The following PRIMA1 variants were observed in gnomAD, a reference collection of about 807,000 sequenced individuals.
The protein encoded by PRIMA1 is proline rich membrane anchor 1.
In PRIMA1, 7 loss-of-function variants were observed where a neutral mutation model predicts 17.5. The observed-to-expected ratio is 0.40, with a 90% CI of 0.23 to 0.75. The LOEUF (loss-of-function observed/expected upper bound fraction) is 0.75. Ranked by LOEUF, PRIMA1 falls within the 30% of genes least tolerant of loss-of-function variation. PRIMA1 has a pLI of 0.37. For missense variants in PRIMA1, 200 were observed against 201.8 expected, an observed-to-expected ratio of 0.99 and a Z score of 0.05; for synonymous variants, 97 against 77.9, an observed-to-expected ratio of 1.25 and a Z score of -1.29.
At chr14:93,778,819 A>G (rs1396730881) in intron 3 of PRIMA1, among the ~76,000 whole-genome samples, 1 of 152,198 alleles carries the variant, frequency 6.6e-6, no homozygotes. Flanking sequence ...AATGTAAATT[A>G]TAATAGAGAA....
chr14:93,748,047 A>AGTGT (rs55972875), intron 3 of PRIMA1, among the ~76,000 whole-genome samples: 19 of 150,374 alleles, frequency 1.3e-4, no homozygotes, highest in African/African-American at 3.2e-4. Flanking sequence ...GGAGTGTGTG[A>AGTGT]GTGTGTGTAT....
intron 2 of PRIMA1, among the ~76,000 whole-genome samples, chr14:93,779,954 C>T (rs975178992): frequency 2.6e-5 from 4 of 152,230 alleles, no homozygotes; most frequent in Admixed American, 2.0e-4. Context: ...CTCCAAACCA[C>T]CTCCATCCCC....
rs538470833 is a variant in PRIMA1, at chr14:93,745,021, G to A, written c.230-7651C>T. On this transcript the variant is annotated intron_variant, in intron 3 of 4. Coordinates refer to ENST00000393140, the MANE Select transcript of PRIMA1 (RefSeq NM_178013.4). ...TGCCCTGCAGCCTGTAGCCCGGGGCGGGGGTGGGAGGGGAGTGTCCCCGGG... is the reference window on the plus strand; with the variant it reads ...TGCCCTGCAGCCTGTAGCCCGGGGCAGGGGTGGGAGGGGAGTGTCCCCGGG... Among the ~76,000 whole-genome samples, 16 of 152,270 alleles carry A rather than the reference G, an allele frequency of 1.1e-4. No homozygotes were observed. The East Asian group carries it at 1.2e-3, about 11-fold the overall frequency.
At chr14:93,757,180 G>T (rs1422235291) in intron 3 of PRIMA1, among the ~76,000 whole-genome samples, 1 of 151,850 alleles carries the variant, frequency 6.6e-6, no homozygotes, top group African/African-American at 2.4e-5. Flanking sequence ...TGGAGAAATT[G>T]TGAGACGTGG....
At chr14:93,763,219 C>A (rs1032688744) in intron 3 of PRIMA1, among the ~76,000 whole-genome samples, 5 of 152,070 alleles carry the variant, frequency 3.3e-5, no homozygotes, top group Non-Finnish European at 7.4e-5. Flanking sequence ...AAAAGTCTGC[C>A]CCCCCAGCAT....
At chr14:93,753,568 C>T (rs747296847) in intron 3 of PRIMA1, among the ~76,000 whole-genome samples, 10 of 152,076 alleles carry the variant, frequency 6.6e-5, no homozygotes, top group Non-Finnish European at 7.3e-5. Context: ...GCTTCTATGG[C>T]CTTATTTTTC....
chr14:93,752,608 C>T (rs1016014300), intron 3 of PRIMA1, among the ~76,000 whole-genome samples: 7 of 152,238 alleles, frequency 4.6e-5, no homozygotes, highest in African/African-American at 9.6e-5. Flanking sequence ...CCCAGGCCCA[C>T]GAGAACTCCA....
At chr14:93,772,176 G>C (rs1423687509) in intron 3 of PRIMA1, among the ~76,000 whole-genome samples, 1 of 152,210 alleles carries the variant, frequency 6.6e-6, no homozygotes, top group East Asian at 1.9e-4. Context: ...AGTCCCATTT[G>C]TCTCTTTCTC....
intron 3 of PRIMA1, among the ~76,000 whole-genome samples, chr14:93,766,958 C>A (rs150321454): frequency 6.6e-6 from 1 of 152,176 alleles, no homozygotes; most frequent in Non-Finnish European, 1.5e-5. Flanking sequence ...AGCGAAAGGA[C>A]TGAATGAAGG....
At chr14:93,744,189 A>T (rs766534685) in intron 3 of PRIMA1, among the ~76,000 whole-genome samples, 22 of 152,184 alleles carry the variant, frequency 1.4e-4, no homozygotes, top group Non-Finnish European at 2.5e-4. Context: ...AAGCACCACA[A>T]AGGACGCGGT....
chr14:93,726,152 AGTGCCGCG>A lies in PRIMA1; in HGVS notation c.360-4614_360-4607del. On this transcript the variant is annotated intron_variant, in intron 4 of 4. Transcript: ENST00000393140. This position sits in a 1 kb window ranked among gnomAD's most constrained non-coding sequence, Gnocchi z 4.2. ...GCAGGCTCCCACATTCCCTGCTCGG[AGTGCCGCG>A]CGGACAGCTCCAGCCGCACATGCCA... 2 of 434,038 alleles carry A rather than the reference AGTGCCGCG, an allele frequency of 4.6e-6. No homozygotes were observed. Among genetic ancestry groups the A allele is most frequent in the South Asian group, 3.3e-5 (2 of 60,614 alleles). The allele number at this position is 434,038 out of a possible 1,614,324, so 26.9% of individuals were successfully genotyped here. A position where few individuals can be genotyped will look rare whatever the true frequency, so the allele number is the denominator to read the frequency against.
At chr14:93,739,317 G>T (rs1431808245) in intron 3 of PRIMA1, among the ~76,000 whole-genome samples, 1 of 152,206 alleles carries the variant, frequency 6.6e-6, no homozygotes, top group Admixed American at 6.5e-5. Context: ...CTCCCAAAGT[G>T]CTGGGATTAC....
chr14:93,725,489 G>A (rs1358427801), intron 4 of PRIMA1, among the ~76,000 whole-genome samples: 1 of 152,110 alleles, frequency 6.6e-6, no homozygotes. Flanking sequence ...ATCAAGCACG[G>A]CACTTCAGGG....
chr14:93,736,132 G>C (rs1325106274), intron 4 of PRIMA1, among the ~76,000 whole-genome samples: 1 of 152,206 alleles, frequency 6.6e-6, no homozygotes, highest in Non-Finnish European at 1.5e-5. Context: ...CCACATCCCT[G>C]AGGAAGGGCA....
At chr14:93,773,478 G>A (rs1885124702) in intron 3 of PRIMA1, among the ~76,000 whole-genome samples, 1 of 152,240 alleles carries the variant, frequency 6.6e-6, no homozygotes, top group Non-Finnish European at 1.5e-5. Context: ...GAATTCTGGG[G>A]ATGAGCTCCA....
At chr14:93,772,494 G>A (rs1461069521) in intron 3 of PRIMA1, among the ~76,000 whole-genome samples, 3 of 152,238 alleles carry the variant, frequency 2.0e-5, no homozygotes, top group East Asian at 3.8e-4. Context: ...CATGGCCTCC[G>A]CCATCTGAGT....
rs956646095 is a variant in PRIMA1, at chr14:93,770,916, G to A, written c.229+8260C>T. Among the ~76,000 whole-genome samples, 6 of 152,140 alleles carry A rather than the reference G, an allele frequency of 3.9e-5. No individual in the cohort carries two copies. In the East Asian group the frequency reaches 1.2e-3, roughly 29 times the overall value. ...GCCAGGCACGTGCTAAATATCTGGG[G>A]CTATCACTGAGGACCCAGCAGACAC... is the stretch of plus-strand genomic sequence containing the variant. On this transcript the variant is annotated intron_variant, in intron 3 of 4. Coordinates refer to ENST00000393140, the MANE Select transcript of PRIMA1 (RefSeq NM_178013.4).
At chr14:93,742,977 G>A (rs559366745) in intron 3 of PRIMA1, among the ~76,000 whole-genome samples, 1 of 152,346 alleles carries the variant, frequency 6.6e-6, no homozygotes, top group East Asian at 1.9e-4. Flanking sequence ...CACAGGAGGT[G>A]CTGGACTGAC....
chr14:93,780,590 C>A (rs978618039), intron 2 of PRIMA1, among the ~76,000 whole-genome samples: 1 of 152,168 alleles, frequency 6.6e-6, no homozygotes, highest in Non-Finnish European at 1.5e-5. Flanking sequence ...CCTGGCTGTA[C>A]CTTGGAATCT....
Sources: gnomAD v4.1 joint callset for allele counts (sites outside exome capture counted in the v4.1 genomes callset) on GRCh38, gnomAD v4.1.1 for gene constraint, Gnocchi (gnomAD v3.1) non-coding constraint, MANE v1.5 for transcripts, NCBI Gene and HGNC (gene_info 2026-07-23, HGNC 2026-07-21) for gene names.